The following DNAJC22 variants were observed in gnomAD, a reference collection of about 807,000 sequenced individuals.
DNAJC22 encodes the protein DnaJ heat shock protein family (Hsp40) member C22.
DNAJC22 carries 24 observed loss-of-function variants against 22.2 expected under a neutral mutation model. The ratio of observed to expected loss-of-function variants is 1.08; its 90% CI spans 0.78 to 1.52. The LOEUF (loss-of-function observed/expected upper bound fraction) is 1.52. Among genes scored for constraint, DNAJC22 ranks in the 40% most tolerant of loss-of-function variants. The probability of loss-of-function intolerance (pLI) is 0.00; values close to 1 mark genes in which losing one functional copy is unlikely to be tolerated. For synonymous variants in DNAJC22, 160 were observed against 167.4 expected (o/e 0.96, Z 0.34); for missense variants, 434 against 421.7 (o/e 1.03, Z -0.26).
chr12:49,349,596 A>G lies in DNAJC22; in HGVS notation c.724A>G (p.Ile242Val), dbSNP rs1943752116. The change falls in exon 3 of 4, where the codon ATC becomes GTC. Residue 242 changes from isoleucine to valine, a missense_variant. Transcript: ENST00000549441. ...MEFVLLLPYR[I>V]WRLLMGETGF... ...GTTTGTCCTCCTTCTGCCTTACCGG[A>G]TCTGGAGGCTACTGATGGGGGAGAC... 1 of 1,613,878 alleles carries G rather than the reference A, an allele frequency of 6.2e-7. No homozygotes were observed. Among genetic ancestry groups the G allele is most frequent in the South Asian group, 1.1e-5 (1 of 91,076 alleles).
chr12:49,349,740 C>T lies in DNAJC22; in HGVS notation c.840+28C>T, dbSNP rs199970865. The T allele has an allele frequency of 3.2e-5, 51 of 1,613,336 alleles. 1 individual carries two copies. Among genetic ancestry groups the T allele is most frequent in the South Asian group, 2.9e-4 (26 of 90,868 alleles). ...AAGGCTTTCTTCCCTCAGTCCTGTC[C>T]GGTGGCTCTGGTGGCCCTCATGTGG... On this transcript the variant is annotated intron_variant, in intron 3 of 3. Coordinates refer to ENST00000549441, the MANE Select transcript of DNAJC22 (RefSeq NM_001304944.2).
rs771314969 is a variant in DNAJC22, at chr12:49,349,550, C to A, written c.678C>A (p.Pro226=). The A allele has an allele frequency of 6.2e-7, 1 of 1,614,148 alleles. No individual in the cohort carries two copies. Among genetic ancestry groups the A allele is most frequent in the Non-Finnish European group, 8.5e-7 (1 of 1,180,062 alleles). The change falls in exon 3 of 4, where the codon CCC becomes CCA. Residue 226 remains proline, a synonymous_variant. Coordinates refer to ENST00000549441, the MANE Select transcript of DNAJC22 (RefSeq NM_001304944.2). ...GSFLNWFSFF[P]LLGRLMEFVL... The stretch of plus-strand genomic sequence containing the variant: ...TCTTGAATTGGTTCAGCTTCTTCCC[C>A]CTTCTTGGCCGCCTCATGGAGTTTG...
chr12:49,348,818 C>A lies in DNAJC22; in HGVS notation c.-55C>A. 1.4e-6 allele frequency: 2 copies of A among 1,449,026 alleles called. No homozygotes were observed. Among genetic ancestry groups the A allele is most frequent in the Non-Finnish European group, 1.8e-6 (2 of 1,100,374 alleles). The allele number at this position is 1,449,026 out of a possible 1,614,324, so 89.8% of individuals were successfully genotyped here. On this transcript the variant is annotated 5_prime_UTR_variant, in exon 3 of 4. Transcript: ENST00000549441. Reference sequence around the variant, plus strand: ...CAGCCATGAGTCTCACAGAGGACCCCGAGACTTCTGTGCTGCGAGTAACCG... The same window carrying A: ...CAGCCATGAGTCTCACAGAGGACCCAGAGACTTCTGTGCTGCGAGTAACCG...
rs757931314 is a variant in DNAJC22, at chr12:49,351,476, A to G, written c.1000A>G (p.Arg334Gly). 26 of 1,568,290 alleles carry G rather than the reference A, an allele frequency of 1.7e-5. No homozygotes were observed. The African/African-American group carries it at 3.4e-4, about 20-fold the overall frequency. The change falls in exon 4 of 4, where the codon AGG (arginine) becomes GGG (glycine). Residue 334 changes from arginine (R) to glycine (G), a missense_variant. Physicochemically the swap from Arg to Gly is moderately radical, Grantham distance 125. Transcript: ENST00000549441. The part of the protein sequence containing the change: ...QAAYEVLSQP[R>G]KPWGSRR ...TGCGTATGAAGTCCTGAGTCAACCC[A>G]GGAAGCCCTGGGGATCCCGGAGGTG...
chr12:49,350,955 G>A (rs11168984), intron 3 of DNAJC22, among the ~76,000 whole-genome samples: 1 of 152,104 alleles, frequency 6.6e-6, no homozygotes, highest in Non-Finnish European at 1.5e-5. Flanking sequence ...GCTGCTATGA[G>A]CTTTCTTGTA....
At chr12:49,350,751 G>A (rs1943772808) in intron 3 of DNAJC22, among the ~76,000 whole-genome samples, 1 of 152,070 alleles carries the variant, frequency 6.6e-6, no homozygotes, top group African/African-American at 2.4e-5. Flanking sequence ...ACCCGCCTCG[G>A]CCTCCCAAAG....
chr12:49,349,131 G>A lies in DNAJC22; in HGVS notation c.259G>A (p.Val87Ile). The A allele has an allele frequency of 6.2e-7, 1 of 1,614,192 alleles. No homozygotes were observed. Among genetic ancestry groups the A allele is most frequent in the Non-Finnish European group, 8.5e-7 (1 of 1,180,040 alleles). The change falls in exon 3 of 4, where the codon GTT becomes ATT. Residue 87 changes from valine (V) to isoleucine (I), a missense_variant. Coordinates refer to ENST00000549441, the MANE Select transcript of DNAJC22 (RefSeq NM_001304944.2). ...SPIRFAAQVI[V>I]GIYFGLVALI... ...CATTCGCTTTGCTGCCCAGGTGATA[G>A]TTGGCATCTATTTTGGCCTTGTGGC...
Position 49,352,637 on chromosome 12 carries a change from A to AATAC in DNAJC22, c.*1135_*1136insATAC. The AATAC allele has an allele frequency of 1.3e-5, 2 of 152,378 alleles. No individual in the cohort carries two copies. The highest frequency in any genetic ancestry group is 4.1e-4 in the South Asian group (2 of 4,834). 9.4% of individuals were successfully genotyped at this position (152,378 alleles called of 1,614,324 possible). ...TCTAGTATTCACAAGCTGTCCTGTG[A>AATAC]TAAGAGAGATTTGATCTTTTCTGTA... On this transcript the variant is annotated 3_prime_UTR_variant, in exon 4 of 4. Transcript: ENST00000549441.
At chr12:49,350,001 C>T (rs1943758939) in intron 3 of DNAJC22, 3 of 449,302 alleles carry the variant, frequency 6.7e-6, no homozygotes, top group Admixed American at 6.4e-5. Context: ...TTCCCCTTCT[C>T]AGCCTATACT....
At chr12:49,348,692 T>C (rs1943731167) in intron 2 of DNAJC22, 74 bp from the exon 3 acceptor site, 2 of 801,772 alleles carry the variant, frequency 2.5e-6, no homozygotes, top group Non-Finnish European at 1.7e-6. Context: ...ACTCAACTTT[T>C]ATTGGAAAGA....
intron 3 of DNAJC22, among the ~76,000 whole-genome samples, chr12:49,350,743 C>T (rs141375484): frequency 1.2e-3 from 189 of 152,206 alleles, no homozygotes; most frequent in Non-Finnish European, 2.1e-3. Context: ...GGTGCTCCAC[C>T]CGCCTCGGCC....
rs551941157 is a variant in DNAJC22 at position 49,352,763 on chromosome 12, C to T, written c.*1261C>T. 6.6e-6 allele frequency: 1 copy of T among 152,256 alleles called. No homozygotes were observed. Among genetic ancestry groups the T allele is most frequent in the South Asian group, 2.1e-4 (1 of 4,822 alleles). The allele number at this position is 152,256 out of a possible 1,614,324, so 9.4% of individuals were successfully genotyped here. The stretch of plus-strand genomic sequence containing the variant: ...CAGCTACACTTTCTCCAAAAGGGAA[C>T]AAGCTACTGTGGAGTGGGGGGTAGT... On this transcript the variant is annotated 3_prime_UTR_variant, in exon 4 of 4. Coordinates refer to ENST00000549441, the MANE Select transcript of DNAJC22 (RefSeq NM_001304944.2).
rs769713366 is a variant in DNAJC22 at position 49,349,118 on chromosome 12, T to C, written c.246T>C (p.Ala82=). ...VTPPLSPIRF[A]AQVIVGIYFG... Reference sequence around the variant, plus strand: ...CCCCTCTGAGTCCCATTCGCTTTGCTGCCCAGGTGATAGTTGGCATCTATT... The same window carrying C: ...CCCCTCTGAGTCCCATTCGCTTTGCCGCCCAGGTGATAGTTGGCATCTATT... Residue 82 remains alanine, a synonymous_variant, in exon 3 of 4, where the codon GCT becomes GCC. Coordinates refer to ENST00000549441, the MANE Select transcript of DNAJC22 (RefSeq NM_001304944.2). 12 of 1,614,096 alleles carry C rather than the reference T, an allele frequency of 7.4e-6. No individual in the cohort carries two copies. The Admixed American group carries it at 1.2e-4, about 16-fold the overall frequency.
At position 49,351,330 on chromosome 12, in the gene DNAJC22, C is replaced by A; in HGVS notation, c.854C>A (p.Ser285Ter). The change falls in exon 4 of 4, where the codon TCA (serine) becomes TAA (stop). Residue 285 changes from serine (S) to a stop codon, truncating the protein, a stop_gained. Coordinates refer to ENST00000549441, the MANE Select transcript of DNAJC22 (RefSeq NM_001304944.2). LOFTEE classifies it high-confidence loss of function. ...TGTTTCCATAAGGTTTTGGGCCTCT[C>A]AGAAGGGGCAACAAATGAAGAAATA... Reference protein sequence around the residue: ...RQLAYQVLGLSEGATNEEIHR... With the variant: ...RQLAYQVLGL 3 of 1,613,564 alleles carry A rather than the reference C, an allele frequency of 1.9e-6. No homozygotes were observed. Among genetic ancestry groups the A allele is most frequent in the South Asian group, 2.2e-5 (2 of 91,048 alleles).
At chr12:49,350,871 A>G (rs1306181996) in intron 3 of DNAJC22, among the ~76,000 whole-genome samples, 1 of 152,136 alleles carries the variant, frequency 6.6e-6, no homozygotes, top group African/African-American at 2.4e-5. Flanking sequence ...GTATGATTAT[A>G]CCACAGTTAA....
chr12:49,347,680 A>G lies in DNAJC22; in HGVS notation c.-533A>G, dbSNP rs1943716022. On this transcript the variant is annotated 5_prime_UTR_variant, in exon 2 of 4. Transcript: ENST00000549441. ...GGAGCGTCCCTTGCTCCTGCCAGGC[A>G]GCCCCTCCATAGGGGCAGTCCTGTG... 1 of 152,272 alleles carries G rather than the reference A, an allele frequency of 6.6e-6. No individual in the cohort carries two copies. The highest frequency in any genetic ancestry group is 6.5e-5 in the Admixed American group (1 of 15,294). The allele number at this position is 152,272 out of a possible 1,614,324, so 9.4% of individuals were successfully genotyped here.
At position 49,348,938 on chromosome 12, in the gene DNAJC22, C is replaced by G; in HGVS notation, c.66C>G (p.His22Gln). The G allele has an allele frequency of 6.6e-7, 1 of 1,525,100 alleles. No homozygotes were observed. The highest frequency in any genetic ancestry group is 1.3e-5 in the South Asian group (1 of 75,412). The allele number at this position is 1,525,100 out of a possible 1,614,324, so 94.5% of individuals were successfully genotyped here. ...TGGGGGGCCCTGCTGGGCTCCACCACCTGTACCTGGGAAGGGACAGCCACG... is the reference window on the plus strand; with the variant it reads ...TGGGGGGCCCTGCTGGGCTCCACCAGCTGTACCTGGGAAGGGACAGCCACG... The part of the protein sequence containing the change: ...WAVGGPAGLH[H>Q]LYLGRDSHAL... Residue 22 changes from histidine to glutamine, a missense_variant, in exon 3 of 4, where the codon CAC becomes CAG. Physicochemically the swap from His to Gln is conservative, Grantham distance 24. Coordinates refer to ENST00000549441, the MANE Select transcript of DNAJC22 (RefSeq NM_001304944.2).
At position 49,353,180 on chromosome 12, in the gene DNAJC22, G is replaced by C. The variant is rs955370265; in HGVS notation, c.*1678G>C. The C allele has an allele frequency of 6.6e-6, 1 of 152,170 alleles. No homozygotes were observed. The highest frequency in any genetic ancestry group is 2.4e-5 in the African/African-American group (1 of 41,440). The allele number at this position is 152,170 out of a possible 1,614,324, so 9.4% of individuals were successfully genotyped here. On this transcript the variant is annotated 3_prime_UTR_variant, in exon 4 of 4. Transcript: ENST00000549441. The stretch of plus-strand genomic sequence containing the variant: ...TATTCAATTCTAGGTAACTAGCCAG[G>C]TGTGAAAGAAAGGGCCCAGGGTGTC...
Position 49,347,934 on chromosome 12 carries a change from G to A in DNAJC22, c.-279G>A, listed in dbSNP as rs11610266. The stretch of plus-strand genomic sequence containing the variant: ...CGGGAATGTGATCCCCAGGGGGCCG[G>A]GGAGGGCCCTGGGGAGGAGCCTGGC... On this transcript the variant is annotated 5_prime_UTR_variant, in exon 2 of 4. Coordinates refer to ENST00000549441, the MANE Select transcript of DNAJC22 (RefSeq NM_001304944.2). 6,112 of 152,428 alleles carry A rather than the reference G, an allele frequency of 0.04. 181 individuals are homozygous for A. Among genetic ancestry groups the A allele is most frequent in the South Asian group, 0.068 (329 of 4,832 alleles). The allele number at this position is 152,428 out of a possible 1,614,324, so 9.4% of individuals were successfully genotyped here. A position where few individuals can be genotyped will look rare whatever the true frequency, so the allele number is the denominator to read the frequency against.
Sources: allele counts gnomAD v4.1 joint callset (sites outside exome capture counted in the v4.1 genomes callset), GRCh38; gene constraint gnomAD v4.1.1; transcripts MANE v1.5; gene names NCBI Gene and HGNC (gene_info 2026-07-23, HGNC 2026-07-21).